The following C16orf96 variants were observed in gnomAD, a reference collection of about 807,000 sequenced individuals.
C16orf96 encodes the protein uncharacterized protein C16orf96.
C16orf96 carries 108 observed loss-of-function variants against 103.6 expected under a neutral mutation model. The observed-to-expected ratio is 1.04, with a 90% CI of 0.89 to 1.22. The LOEUF (loss-of-function observed/expected upper bound fraction) is 1.22, where lower values mean the gene tolerates loss of function less well. Ranked by LOEUF, C16orf96 falls within the 50% of genes most tolerant of loss-of-function variation. The pLI is 0.00. For missense variants in C16orf96, 1,586 were observed against 1,464.2 expected (o/e 1.08, Z -1.36); for synonymous variants, 566 against 593.5 (o/e 0.95, Z 0.67).
intron 9 of C16orf96, among the ~76,000 whole-genome samples, chr16:4,590,362 C>T (rs1897028658): frequency 6.7e-6 from 1 of 150,258 alleles, no homozygotes; most frequent in Non-Finnish European, 1.5e-5. Flanking sequence ...AGTTCGAGAC[C>T]AGCCTGACCA....
In C16orf96 at chr16:4,594,404, A is replaced by G; in HGVS notation, c.2921A>G (p.Gln974Arg). ...CTCGGTATCCAGGAGGATTGTCAGC[A>G]GGACTGGGGTGATGGCCCCCAAAAC... ...QDLGIQEDCQ[Q>R]DWGDGPQNAT... The change falls in exon 13 of 16, where the codon CAG becomes CGG. Residue 974 changes from glutamine to arginine, a missense_variant. Physicochemically the swap from Gln to Arg is conservative, Grantham distance 43. Transcript: ENST00000444310. The G allele has an allele frequency of 6.4e-7, 1 of 1,551,346 alleles. No homozygotes were observed. Among genetic ancestry groups the G allele is most frequent in the Middle Eastern group, 1.7e-4 (1 of 5,992 alleles).
the C16orf96 span, among the ~76,000 whole-genome samples, chr16:4,539,752 C>G: frequency 1.3e-5 from 2 of 152,084 alleles, no homozygotes; most frequent in African/African-American, 2.4e-5. Flanking sequence ...AGATTCTAAA[C>G]CTCCCCAGTT....
chr16:4,541,887 T>C, the C16orf96 span, among the ~76,000 whole-genome samples: 2 of 152,252 alleles, frequency 1.3e-5, no homozygotes, highest in South Asian at 4.1e-4. Context: ...GACAAAAATG[T>C]TGTGTCCACA....
At chr16:4,596,123 C>A (rs1208355562) in intron 14 of C16orf96, among the ~76,000 whole-genome samples, 1 of 152,032 alleles carries the variant, frequency 6.6e-6, no homozygotes, top group African/African-American at 2.4e-5. Context: ...CTGGGGTTGC[C>A]GAGACAAATT....
At position 4,594,742 on chromosome 16, in the gene C16orf96, C is replaced by T; in HGVS notation, c.3066C>T (p.Tyr1022=). The change falls in exon 14 of 16, where the codon TAC becomes TAT. Residue 1022 remains tyrosine (Y), a synonymous_variant. Transcript: ENST00000444310. ...VDILGVDGIL[Y]KGRVNSQRGA... is the part of the protein sequence containing the mutation. Reference sequence around the variant, plus strand: ...TCCTGGGCGTGGATGGGATCCTGTACAAAGGCCGCGTGAACAGCCAGCGTG... The same window carrying T: ...TCCTGGGCGTGGATGGGATCCTGTATAAAGGCCGCGTGAACAGCCAGCGTG... 1 of 1,551,256 alleles carries T rather than the reference C, an allele frequency of 6.4e-7. No homozygotes were observed. The highest frequency in any genetic ancestry group is 8.7e-7 in the Non-Finnish European group (1 of 1,146,930).
rs1300992975 is a variant in C16orf96 at position 4,578,949 on chromosome 16, G to C, written c.2165G>C (p.Gly722Ala). 6.4e-7 allele frequency: 1 copy of C among 1,551,330 alleles called. No individual in the cohort carries two copies. The highest frequency in any genetic ancestry group is 1.2e-5 in the South Asian group (1 of 84,056). The change falls in exon 6 of 16, where the codon GGA (glycine) becomes GCA (alanine). Residue 722 changes from glycine to alanine, a missense_variant. Physicochemically the swap from Gly to Ala is moderately conservative, Grantham distance 60. Transcript: ENST00000444310. ...NQRLSYLANMGGPSSLGTTVD... is the reference protein window; with the variant it reads ...NQRLSYLANMAGPSSLGTTVD... The stretch of plus-strand genomic sequence containing the variant: ...TGTCCTCTGCTTTCAGCCAATATGG[G>C]AGGTCCTTCCAGCCTCGGGACAACA...
At chr16:4,597,370 G>T (rs186077944) in intron 14 of C16orf96, among the ~76,000 whole-genome samples, 1 of 152,322 alleles carries the variant, frequency 6.6e-6, no homozygotes, top group African/African-American at 2.4e-5. Context: ...CCAGCTGAGT[G>T]AGGGCTGCTT....
At chr16:4,567,135 TACA>T (rs1421698203) in intron 1 of C16orf96, among the ~76,000 whole-genome samples, 1 of 152,168 alleles carries the variant, frequency 6.6e-6, no homozygotes, top group African/African-American at 2.4e-5. Flanking sequence ...TATAGTCACT[TACA>T]ACAATAAGTG....
chr16:4,579,073 G>T, intron 6 of C16orf96, 48 bp downstream of exon 6: 2 of 1,503,432 alleles, frequency 1.3e-6, no homozygotes, highest in Non-Finnish European at 1.8e-6. Flanking sequence ...GGCTTGAGGT[G>T]AGCTGGCTGA....
At position 4,594,562 on chromosome 16, in the gene C16orf96, G is replaced by A. The variant is rs1004502335; in HGVS notation, c.3027+52G>A. ...AGAGGGTGGACGTCAGCGCACCCCA[G>A]CCCCAGGTGTGGGACCAGGCACTGA... On this transcript the variant is annotated intron_variant, in intron 13 of 15. Transcript: ENST00000444310. 2.4e-5 allele frequency: 37 copies of A among 1,543,706 alleles called. 2 individuals carry two copies. The South Asian group carries it at 4.3e-4, about 18-fold the overall frequency.
At chr16:4,562,767 A>T in intron 1 of C16orf96, 1 of 909,984 alleles carries the variant, frequency 1.1e-6, no homozygotes, top group Non-Finnish European at 1.6e-6. Flanking sequence ...AAGACAGATT[A>T]AAACAACTAG....
At chr16:4,576,984 A>C (rs768887666) in intron 5 of C16orf96, among the ~76,000 whole-genome samples, 102 of 152,144 alleles carry the variant, frequency 6.7e-4, no homozygotes, top group Non-Finnish European at 1.3e-3. Context: ...CTGAGACCGC[A>C]AGTTCAAGAT....
chr16:4,546,134 C>A, the C16orf96 span, among the ~76,000 whole-genome samples: 1 of 151,402 alleles, frequency 6.6e-6, no homozygotes, highest in Admixed American at 6.6e-5. Flanking sequence ...AGGAATGAGC[C>A]ACCATGCCTA....
Position 4,594,438 on chromosome 16 carries a change from C to A in C16orf96, c.2955C>A (p.Ser985Arg), listed in dbSNP as rs1238712908. Residue 985 changes from serine to arginine, a missense_variant, in exon 13 of 16, where the codon AGC becomes AGA. Physicochemically the swap from Ser to Arg is moderately radical, Grantham distance 110. Transcript: ENST00000444310. Reference sequence around the variant, plus strand: ...GTGATGGCCCCCAAAACGCCACCAGCCTCAAGTGCAAGTCCTGCAACCTGT... The same window carrying A: ...GTGATGGCCCCCAAAACGCCACCAGACTCAAGTGCAAGTCCTGCAACCTGT... ...DWGDGPQNAT[S>R]LKCKSCNLLT... The A allele has an allele frequency of 1.3e-6, 2 of 1,551,520 alleles. No individual in the cohort carries two copies. The highest frequency in any genetic ancestry group is 4.9e-5 in the East Asian group (2 of 40,918).
In C16orf96 at chr16:4,571,710, G is replaced by A. The variant is rs114176089; in HGVS notation, c.525+45G>A. 1,211 of 1,394,094 alleles carry A rather than the reference G, an allele frequency of 8.7e-4. 5 individuals are homozygous for A. The African/African-American group carries it at 0.016, about 19-fold the overall frequency. The allele number at this position is 1,394,094 out of a possible 1,614,324, so 86.4% of individuals were successfully genotyped here. On this transcript the variant is annotated intron_variant, in intron 2 of 15. Coordinates refer to ENST00000444310, the MANE Select transcript of C16orf96 (RefSeq NM_001145011.2). ...CCTCCATGCCAGCTGCGTTGCTCAG[G>A]CCTCTGGGGGTTGGAGCAATGAGGA... is the stretch of plus-strand genomic sequence containing the variant.
the C16orf96 span, among the ~76,000 whole-genome samples, chr16:4,544,600 C>T: frequency 9.9e-5 from 15 of 152,210 alleles, no homozygotes; most frequent in South Asian, 3.1e-3. Flanking sequence ...CAGAGCCTGA[C>T]CCTGTCTGAA....
At chr16:4,598,521 A>G (rs749580150) in intron 14 of C16orf96, among the ~76,000 whole-genome samples, 32 of 151,622 alleles carry the variant, frequency 2.1e-4, no homozygotes, top group Non-Finnish European at 3.5e-4. Context: ...AGAACAAGAT[A>G]GTGGTGGTGG....
chr16:4,543,985 G>T, the C16orf96 span, among the ~76,000 whole-genome samples: 1 of 152,068 alleles, frequency 6.6e-6, no homozygotes, highest in Non-Finnish European at 1.5e-5. Context: ...TGTGGAGGGG[G>T]TGCAAATTTG....
chr16:4,581,151 T>C (rs1431222352), intron 7 of C16orf96, among the ~76,000 whole-genome samples: 6 of 82,714 alleles, frequency 7.3e-5, no homozygotes, highest in African/African-American at 2.4e-4. Context: ...CATATATATA[T>C]ATATATATAT....
Sources: gnomAD v4.1 joint callset for allele counts (sites outside exome capture counted in the v4.1 genomes callset) on GRCh38, gnomAD v4.1.1 for gene constraint, MANE v1.5 for transcripts, NCBI Gene and HGNC (gene_info 2026-07-23, HGNC 2026-07-21) for gene names.